Variants in SPMIP2 observed in about 807,000 individuals in gnomAD.
The protein encoded by SPMIP2 is protein SPMIP2.
chr4:158,930,734 T>TG, the SPMIP2 span, among the ~76,000 whole-genome samples: 1 of 152,178 alleles, frequency 6.6e-6, no homozygotes, highest in South Asian at 2.1e-4. Flanking sequence ...TGGCCAGGCC[T>TG]GGCCTCAAGC....
At chr4:158,900,479 T>A in the SPMIP2 span, among the ~76,000 whole-genome samples, 3 of 152,316 alleles carry the variant, frequency 2.0e-5, no homozygotes, top group South Asian at 6.2e-4. Context: ...CTAAGTCTCT[T>A]TGTAGCTCTT....
the SPMIP2 span, among the ~76,000 whole-genome samples, chr4:158,936,994 C>T: frequency 1.3e-5 from 2 of 152,120 alleles, no homozygotes; most frequent in Admixed American, 6.5e-5. Context: ...CACCCCTTCT[C>T]GAGAGAGCAT....
At chr4:159,074,917 C>T in the SPMIP2 span, among the ~76,000 whole-genome samples, 1 of 152,152 alleles carries the variant, frequency 6.6e-6, no homozygotes, top group Admixed American at 6.5e-5. Context: ...GGGGAAACCA[C>T]AGTGATGCAA....
chr4:159,078,553 C>T, the SPMIP2 span, among the ~76,000 whole-genome samples: 1 of 152,114 alleles, frequency 6.6e-6, no homozygotes, highest in Non-Finnish European at 1.5e-5. Flanking sequence ...CACTTTTTAT[C>T]TTAGGCTGAA....
the SPMIP2 span, among the ~76,000 whole-genome samples, chr4:158,997,291 C>T: frequency 6.8e-6 from 1 of 147,164 alleles, no homozygotes; most frequent in Non-Finnish European, 1.5e-5. Context: ...AGTACAATGG[C>T]ACAATCTTAG....
chr4:159,030,521 G>A, the SPMIP2 span, among the ~76,000 whole-genome samples: 1 of 151,060 alleles, frequency 6.6e-6, no homozygotes, highest in Non-Finnish European at 1.5e-5. Flanking sequence ...ATTTGAGACA[G>A]AGTATCACTC....
chr4:159,054,104 T>C, the SPMIP2 span, among the ~76,000 whole-genome samples: 1 of 152,146 alleles, frequency 6.6e-6, no homozygotes, highest in African/African-American at 2.4e-5. Flanking sequence ...CTCCTCAGCC[T>C]CTGAATAGCT....
At chr4:158,917,003 C>A in the SPMIP2 span, among the ~76,000 whole-genome samples, 29 of 152,306 alleles carry the variant, frequency 1.9e-4, no homozygotes, top group African/African-American at 7.0e-4. Flanking sequence ...GTAATCCCAG[C>A]ACTTTGGGAA....
At chr4:158,978,448 G>C in the SPMIP2 span, among the ~76,000 whole-genome samples, 1 of 152,302 alleles carries the variant, frequency 6.6e-6, no homozygotes, top group Admixed American at 6.5e-5. Context: ...ATCCAGAGCT[G>C]AATTCAAGTC....
At chr4:159,047,020 AC>A in the SPMIP2 span, among the ~76,000 whole-genome samples, 14 of 152,266 alleles carry the variant, frequency 9.2e-5, no homozygotes, top group East Asian at 2.7e-3. Context: ...CCAGACTTTG[AC>A]CTTTGGTTGC....
the SPMIP2 span, among the ~76,000 whole-genome samples, chr4:158,957,196 A>T: frequency 6.6e-6 from 1 of 152,232 alleles, no homozygotes; most frequent in Non-Finnish European, 1.5e-5. Context: ...GGTTAAGATC[A>T]GATTGCTTTC....
At chr4:158,984,623 A>G in the SPMIP2 span, among the ~76,000 whole-genome samples, 1 of 152,070 alleles carries the variant, frequency 6.6e-6, no homozygotes, top group Non-Finnish European at 1.5e-5. Flanking sequence ...TCTGGGACAC[A>G]TTCAAAGCAG....
the SPMIP2 span, among the ~76,000 whole-genome samples, chr4:159,067,429 A>T: frequency 9.9e-5 from 15 of 152,044 alleles, no homozygotes; most frequent in Non-Finnish European, 1.5e-4. Context: ...TGGGGGTTTG[A>T]CATTTTGGCC....
the SPMIP2 span, among the ~76,000 whole-genome samples, chr4:159,049,333 C>A: frequency 1.3e-5 from 2 of 152,136 alleles, no homozygotes; most frequent in Non-Finnish European, 2.9e-5. Flanking sequence ...CTAAAAGCAC[C>A]ACAATAGCTT....
the SPMIP2 span, among the ~76,000 whole-genome samples, chr4:158,967,070 C>T: frequency 0.13 from 20,346 of 152,082 alleles, 1,646 homozygotes; most frequent in East Asian, 0.36. Context: ...CAGTGATACA[C>T]GCCTCCCTTG....
chr4:158,940,632 T>C, the SPMIP2 span, among the ~76,000 whole-genome samples: 1 of 151,472 alleles, frequency 6.6e-6, no homozygotes, highest in African/African-American at 2.4e-5. Context: ...GGTTATGCAC[T>C]AACATATTGC....
At chr4:159,035,057 C>T in the SPMIP2 span, 111 of 1,613,170 alleles carry the variant, frequency 6.9e-5, no homozygotes, top group African/African-American at 1.4e-3. Context: ...TGTTTTCCCA[C>T]AGTAGTAGAT....
chr4:158,956,493 G>A, the SPMIP2 span, among the ~76,000 whole-genome samples: 6 of 152,192 alleles, frequency 3.9e-5, no homozygotes, highest in Non-Finnish European at 8.8e-5. Context: ...AATCTGGGAG[G>A]CAGAGGCTGC....
At chr4:158,921,591 C>T in the SPMIP2 span, among the ~76,000 whole-genome samples, 1 of 152,114 alleles carries the variant, frequency 6.6e-6, no homozygotes, top group East Asian at 1.9e-4. Flanking sequence ...GTTTTCTGAG[C>T]CCTCCCCAGA....
Sources: gnomAD v4.1 joint callset for allele counts (sites outside exome capture counted in the v4.1 genomes callset) on GRCh38, gnomAD v4.1.1 for gene constraint, MANE v1.5 for transcripts, NCBI Gene and HGNC (gene_info 2026-07-23, HGNC 2026-07-21) for gene names.